WDR4: variants seen among roughly 807,000 people sequenced by gnomAD.
WDR4 encodes WDR4 tRNA N7-guanosine methyltransferase non-catalytic subunit, also known as tRNA (guanine-N(7)-)-methyltransferase non-catalytic subunit WDR4.
In WDR4, 47 loss-of-function variants were observed where a neutral mutation model predicts 48.6. That is an observed-to-expected ratio of 0.97 (90% CI 0.77 to 1.23). WDR4 has a LOEUF of 1.23. Among genes scored for constraint, WDR4 ranks in the 50% most tolerant of loss-of-function variants. WDR4 has a pLI of 0.00. For synonymous variants in WDR4, 268 were observed against 230.0 expected (o/e 1.17, Z -1.49); for missense variants, 606 against 551.6 (o/e 1.10, Z -0.99).
intron 6 of WDR4, among the ~76,000 whole-genome samples, chr21:42,858,473 C>A (rs1252539394): frequency 6.6e-6 from 1 of 152,216 alleles, no homozygotes; most frequent in Non-Finnish European, 1.5e-5. Context: ...AGGACTTCTA[C>A]GCCAAACTAA....
chr21:42,863,521 T>C lies in WDR4; in HGVS notation c.372A>G (p.Gly124=). Residue 124 remains glycine (G), a synonymous_variant, in exon 4 of 11, where the codon GGA becomes GGG. Coordinates refer to ENST00000398208, the MANE Select transcript of WDR4 (RefSeq NM_018669.6). Reference sequence around the variant, plus strand: ...CCAGCACCGAAAAGGAGTAGACGTCTCCAGACTTGTCGGCCACCAAGACCT... The same window carrying C: ...CCAGCACCGAAAAGGAGTAGACGTCCCCAGACTTGTCGGCCACCAAGACCT... ...EEKVLVADKS[G]DVYSFSVLEP... 1 of 1,613,672 alleles carries C rather than the reference T, an allele frequency of 6.2e-7. No individual in the cohort carries two copies. Among genetic ancestry groups the C allele is most frequent in the Non-Finnish European group, 8.5e-7 (1 of 1,179,934 alleles).
upstream of WDR4, among the ~76,000 whole-genome samples, chr21:42,880,718 C>T (rs886227624): frequency 6.6e-6 from 1 of 152,158 alleles, no homozygotes; most frequent in Admixed American, 6.5e-5. Context: ...ACCTTCTTGG[C>T]CATGTTGAAG....
rs563444506 is a variant in WDR4 at position 42,852,371 on chromosome 21, G to C, written c.976-47C>G. The C allele has an allele frequency of 3.7e-6, 6 of 1,601,396 alleles. No homozygotes were observed. In the East Asian group the frequency reaches 1.3e-4, roughly 36 times the overall value. On this transcript the variant is annotated intron_variant, in intron 9 of 10. Coordinates refer to ENST00000398208, the MANE Select transcript of WDR4 (RefSeq NM_018669.6). ...TCTTCATCAGAAAGAGGCAGGCCTG[G>C]AAACCCAGCACCAGGACGCAACACA...
intron 1 of WDR4, among the ~76,000 whole-genome samples, chr21:42,878,153 CT>C (rs2058544710): frequency 6.6e-6 from 1 of 152,132 alleles, no homozygotes; most frequent in South Asian, 2.1e-4. Context: ...CATATCTCAC[CT>C]ACCTGAAAGT....
chr21:42,863,796 C>G (rs1034232435), intron 3 of WDR4, among the ~76,000 whole-genome samples, 200 bp from the exon 4 acceptor site: 4 of 151,870 alleles, frequency 2.6e-5, no homozygotes, highest in Non-Finnish European at 5.9e-5. Flanking sequence ...TTTACTTTCA[C>G]AACGTTTTTC....
intron 8 of WDR4, 84 bp from the exon 9 acceptor site, chr21:42,853,836 C>G (rs968756865): frequency 1.4e-6 from 2 of 1,411,810 alleles, no homozygotes. Flanking sequence ...GACGGTGCAG[C>G]CCTCGCCGGT....
At chr21:42,865,437 G>A (rs1182006102) in intron 3 of WDR4, among the ~76,000 whole-genome samples, 5 of 152,122 alleles carry the variant, frequency 3.3e-5, no homozygotes, top group Admixed American at 6.5e-5. Flanking sequence ...CTCACAGGGC[G>A]CTCATCCCCC....
intron 3 of WDR4, among the ~76,000 whole-genome samples, chr21:42,867,391 ACC>A (rs759361610): frequency 7.9e-6 from 1 of 125,882 alleles, no homozygotes; most frequent in Non-Finnish European, 1.8e-5. Flanking sequence ...ACTCCGCTCC[ACC>A]AAAAAAAAAA....
chr21:42,871,095 G>A (rs1018891438), intron 3 of WDR4, among the ~76,000 whole-genome samples: 1 of 152,128 alleles, frequency 6.6e-6, no homozygotes, highest in Non-Finnish European at 1.5e-5. Context: ...TCAGGAACAG[G>A]AAATGAGGAC....
chr21:42,866,174 T>C (rs911425591), intron 3 of WDR4, among the ~76,000 whole-genome samples: 1 of 152,162 alleles, frequency 6.6e-6, no homozygotes, highest in African/African-American at 2.4e-5. Context: ...TGTCCTCATC[T>C]TCGGCTTGGA....
intron 3 of WDR4, among the ~76,000 whole-genome samples, chr21:42,870,212 A>G (rs540577711): frequency 8.1e-5 from 12 of 147,898 alleles, no homozygotes; most frequent in South Asian, 4.3e-4. Flanking sequence ...TTAACTGGGC[A>G]TGGTGGTAAG....
intron 2 of WDR4, among the ~76,000 whole-genome samples, chr21:42,876,229 T>TTTTTTTTTTTTTTTGG (rs1555982374): frequency 1.3e-5 from 2 of 148,848 alleles, no homozygotes; most frequent in African/African-American, 2.5e-5. Flanking sequence ...TTTTTTTTTT[T>TTTTTTTTTTTTTTTGG]GGGAGACAGA....
At chr21:42,848,800 G>A (rs1602679652), downstream of WDR4, among the ~76,000 whole-genome samples, 3 of 53,198 alleles carry the variant, frequency 5.6e-5, no homozygotes, top group South Asian at 7.4e-4. Flanking sequence ...CACGCGGCGC[G>A]CACCTCACAC....
At position 42,873,334 on chromosome 21, in the gene WDR4, T is replaced by A. The variant is rs115221804; in HGVS notation, c.296+217A>T. Among the ~76,000 whole-genome samples, 353 of 152,238 alleles carry A rather than the reference T, an allele frequency of 2.3e-3. 2 individuals are homozygous for A. The highest frequency in any genetic ancestry group is 8.1e-3 in the African/African-American group (336 of 41,540). On this transcript the variant is annotated intron_variant, in intron 3 of 10. Transcript: ENST00000398208. ...CTATCTAACTGTTCACCACCCAGCG[T>A]GGGACAGAACAGCACCCCTGCACCC...
At chr21:42,846,206 C>T (rs138000750), downstream of WDR4, among the ~76,000 whole-genome samples, 10 of 152,212 alleles carry the variant, frequency 6.6e-5, no homozygotes, top group African/African-American at 2.4e-4. Context: ...TGGAAACTAC[C>T]CAAATGCCCA....
intron 6 of WDR4, 72 bp downstream of exon 6, chr21:42,859,590 A>C (rs553380784): frequency 2.2e-5 from 14 of 646,226 alleles, no homozygotes; most frequent in Non-Finnish European, 3.4e-5. Flanking sequence ...GGCCAGGTCC[A>C]GGAGGCGCCC....
chr21:42,850,533 C>T (rs1048535475), intron 10 of WDR4, among the ~76,000 whole-genome samples: 4 of 152,192 alleles, frequency 2.6e-5, no homozygotes, highest in African/African-American at 4.8e-5. Flanking sequence ...CTTGCACGCC[C>T]GGAGAAAGCC....
At chr21:42,858,475 C>T (rs1049323375) in intron 6 of WDR4, among the ~76,000 whole-genome samples, 3 of 152,210 alleles carry the variant, frequency 2.0e-5, no homozygotes, top group Non-Finnish European at 4.4e-5. Context: ...GACTTCTACG[C>T]CAAACTAACA....
upstream of WDR4, chr21:42,883,490 G>A (rs1472422985): frequency 6.5e-6 from 1 of 153,662 alleles, no homozygotes; most frequent in Non-Finnish European, 1.5e-5. Context: ...GGAAACTGGG[G>A]ATGTGACCTT....
Sources: allele counts gnomAD v4.1 joint callset (sites outside exome capture counted in the v4.1 genomes callset), GRCh38; gene constraint gnomAD v4.1.1; transcripts MANE v1.5; gene names NCBI Gene and HGNC (gene_info 2026-07-23, HGNC 2026-07-21).